The following KIF1A variants were observed in gnomAD, a reference collection of about 807,000 sequenced individuals.
The protein encoded by KIF1A is kinesin family member 1A, also known as kinesin-like protein KIF1A.
In KIF1A, 46 loss-of-function variants were observed where a neutral mutation model predicts 227.3. The ratio of observed to expected loss-of-function variants is 0.20; its 90% CI spans 0.16 to 0.26. The LOEUF is 0.26. Ranked by LOEUF, KIF1A falls within the 10% of genes least tolerant of loss-of-function variation. KIF1A has a pLI of 1.00. For synonymous variants in KIF1A, 1,022 were observed against 1,012.8 expected, an observed-to-expected ratio of 1.01 and a Z score of -0.17; for missense variants, 1,683 against 2,485.9, an observed-to-expected ratio of 0.68 and a Z score of 6.87.
Position 240,779,050 on chromosome 2 carries a change from ACT to A in KIF1A, c.883-3126_883-3125del, listed in dbSNP as rs776833852. ...CACTCAGTTCCACACTCAGTCCCTC[ACT>A]CAGTTCCACACTCAGTTCCTCACAG... On this transcript the variant is annotated intron_variant, in intron 10 of 48. Transcript: ENST00000498729. Among the ~76,000 whole-genome samples the A allele has an allele frequency of 3.0e-4, 45 of 149,714 alleles. 1 individual carries two copies. Among genetic ancestry groups the A allele is most frequent in the Non-Finnish European group, 4.6e-4 (31 of 67,558 alleles).
At position 240,773,208 on chromosome 2, in the gene KIF1A, C is replaced by A. The variant is rs1404136627; in HGVS notation, c.1086G>T (p.Glu362Asp). 1 of 1,613,964 alleles carries A rather than the reference C, an allele frequency of 6.2e-7. No homozygotes were observed. The highest frequency in any genetic ancestry group is 1.7e-5 in the Admixed American group (1 of 60,018). The change falls in exon 13 of 49, where the codon GAG becomes GAT. Residue 362 changes from glutamate to aspartate, a missense_variant. Physicochemically the swap from Glu to Asp is conservative, Grantham distance 45 (BLOSUM62 2). Around this residue, in one of 12 missense-constraint regions of KIF1A, gnomAD observed 110 missense variants for 133.1 expected, o/e 0.83. Transcript: ENST00000498729. ...KQIRCNAVINEDPNNKLIREL... is the reference protein window; with the variant it reads ...KQIRCNAVINDDPNNKLIREL... ...CGCGGATCAGCTTGTTGTTGGGGTC[C>A]TCATTGATGACAGCATTGCAGCGGA...
chr2:240,773,622 C>T, intron 12 of KIF1A, among the ~76,000 whole-genome samples: 1 of 152,178 alleles, frequency 6.6e-6, no homozygotes, highest in East Asian at 1.9e-4. Context: ...TGTGCATAGG[C>T]TTGTGCTCAC....
chr2:240,771,707 C>T (rs181268094), intron 14 of KIF1A, among the ~76,000 whole-genome samples: 1 of 152,318 alleles, frequency 6.6e-6, no homozygotes, highest in Non-Finnish European at 1.5e-5. Context: ...TGGGGCCAGG[C>T]TGTGCTAACC....
At chr2:240,717,941 T>G (rs951490788) in intron 48 of KIF1A, 109 bp downstream of exon 48, 21 of 750,034 alleles carry the variant, frequency 2.8e-5, no homozygotes, top group African/African-American at 2.8e-4. Flanking sequence ...GCAGGACCCC[T>G]GGGAGAGCAG....
chr2:240,772,981 G>T, intron 13 of KIF1A, 133 bp downstream of exon 13: 2 of 930,806 alleles, frequency 2.1e-6, no homozygotes, highest in Admixed American at 2.7e-5. Context: ...CTCTGGGAGC[G>T]GTGTGGAGCT....
At chr2:240,800,135 C>T (rs954036821) in intron 1 of KIF1A, among the ~76,000 whole-genome samples, 1 of 151,874 alleles carries the variant, frequency 6.6e-6, no homozygotes, top group African/African-American at 2.4e-5. Context: ...CACACACACA[C>T]ACACACACAC....
At position 240,735,622 on chromosome 2, in the gene KIF1A, A is replaced by T. The variant is rs146187055; in HGVS notation, c.4007+1441T>A. Reference sequence around the variant, plus strand: ...TGGCAGACCCGCCCTTCCGGGCCCCACCCCCTACTCCAATTCCTGGTCCCC... The same window carrying T: ...TGGCAGACCCGCCCTTCCGGGCCCCTCCCCCTACTCCAATTCCTGGTCCCC... On this transcript the variant is annotated intron_variant, in intron 38 of 48. Coordinates refer to ENST00000498729, the MANE Select transcript of KIF1A (RefSeq NM_001244008.2). Among the ~76,000 whole-genome samples, 132 of 151,906 alleles carry T rather than the reference A, an allele frequency of 8.7e-4. 4 individuals are homozygous for T. In the East Asian group the frequency reaches 0.025, roughly 29 times the overall value.
intron 6 of KIF1A, 55 bp downstream of exon 6, chr2:240,786,280 G>T (rs564852199): frequency 2.0e-4 from 312 of 1,550,562 alleles, no homozygotes; most frequent in Non-Finnish European, 2.6e-4. Flanking sequence ...GGCTTCCTCC[G>T]GGGAGAGGCG....
chr2:240,732,139 ATGAGGGATTGG>A (rs2046751517), intron 38 of KIF1A, among the ~76,000 whole-genome samples: 4 of 32,680 alleles, frequency 1.2e-4, no homozygotes, highest in South Asian at 1.8e-3. Flanking sequence ...GGAGGAGGGG[ATGAGGGATTGG>A]GGAGGAGGGG....
chr2:240,787,196 C>G (rs1236668274), intron 5 of KIF1A, 55 bp downstream of exon 5: 1 of 1,407,078 alleles, frequency 7.1e-7, no homozygotes, highest in Non-Finnish European at 1.0e-6. Context: ...GCACTGCCAG[C>G]CACACCAGAT....
At position 240,788,280 on chromosome 2, in the gene KIF1A, G is replaced by T; in HGVS notation, c.184-50C>A. On this transcript the variant is annotated intron_variant, in intron 3 of 48. Coordinates refer to ENST00000498729, the MANE Select transcript of KIF1A (RefSeq NM_001244008.2). The surrounding 1 kb of genome is among the most constrained non-coding windows in gnomAD (Gnocchi z 6.6). ...TTGCAGGAGGCTGGGTGCATCCGAG[G>T]CTCAGCCCATCATGTCTGCGGAGCC... 6.4e-7 allele frequency: 1 copy of T among 1,568,826 alleles called. No homozygotes were observed. Among genetic ancestry groups the T allele is most frequent in the East Asian group, 2.3e-5 (1 of 44,342 alleles).
chr2:240,724,064 A>G (rs754185152), intron 40 of KIF1A, 28 bp from the exon 41 acceptor site: 2 of 1,600,562 alleles, frequency 1.2e-6, no homozygotes, highest in Non-Finnish European at 1.7e-6. Context: ...AGTGACATGC[A>G]GTCACCAGGC....
In KIF1A at chr2:240,769,635, C is replaced by A. The variant is rs767034708; in HGVS notation, c.1413G>T (p.Arg471=). 1 of 1,613,298 alleles carries A rather than the reference C, an allele frequency of 6.2e-7. No individual in the cohort carries two copies. The highest frequency in any genetic ancestry group is 8.5e-7 in the Non-Finnish European group (1 of 1,179,658). ...GTTTCCCCGCTGCACACCTCTCCATCCGGATGGCTTCTGTCCGCCGCAGCT... is the reference window on the plus strand; with the variant it reads ...GTTTCCCCGCTGCACACCTCTCCATACGGATGGCTTCTGTCCGCCGCAGCT... The part of the protein sequence containing the change: ...EEKLRRTEAI[R]MEREALLAEM... Residue 471 remains arginine, a synonymous_variant, in exon 16 of 49, where the codon CGG becomes CGT. Transcript: ENST00000498729.
Position 240,792,456 on chromosome 2 carries a change from G to A in KIF1A, c.107-3144C>T, listed in dbSNP as rs944979473. On this transcript the variant is annotated intron_variant, in intron 2 of 48. Transcript: ENST00000498729. The surrounding 1 kb of genome is among the most constrained non-coding windows in gnomAD (Gnocchi z 4.5). ...AAGGCCGGCGAGGTGCCCAGTATCA[G>A]GCAGCCTTCCCAGGACTCTGCATGG... is the stretch of plus-strand genomic sequence containing the variant. Among the ~76,000 whole-genome samples the A allele has an allele frequency of 6.6e-6, 1 of 152,030 alleles. No individual in the cohort carries two copies. Among genetic ancestry groups the A allele is most frequent in the Non-Finnish European group, 1.5e-5 (1 of 67,980 alleles).
chr2:240,774,203 A>G lies in KIF1A; in HGVS notation c.1017T>C (p.Asp339=). The G allele has an allele frequency of 6.2e-7, 1 of 1,603,412 alleles. No homozygotes were observed. Among genetic ancestry groups the G allele is most frequent in the South Asian group, 1.1e-5 (1 of 90,354 alleles). Residue 339 remains aspartate (D), a synonymous_variant, in exon 12 of 49, where the codon GAT becomes GAC. Coordinates refer to ENST00000498729, the MANE Select transcript of KIF1A (RefSeq NM_001244008.2). ...AALSPADINY[D]ETLSTLRYAD... ...CTCACCTCAGCGTGCTAAGGGTCTC[A>G]TCGTAGTTGATGTCTGCAGGACTCA...
chr2:240,737,166 G>C lies in KIF1A; in HGVS notation c.3904C>G (p.Arg1302Gly). 1 of 1,613,156 alleles carries C rather than the reference G, an allele frequency of 6.2e-7. No homozygotes were observed. Among genetic ancestry groups the C allele is most frequent in the South Asian group, 1.1e-5 (1 of 91,054 alleles). The change falls in exon 38 of 49, where the codon CGC becomes GGC. Residue 1302 changes from arginine to glycine, a missense_variant and splice_region_variant. Physicochemically the swap from Arg to Gly is moderately radical, Grantham distance 125 (BLOSUM62 -2). Around this residue, in one of 12 missense-constraint regions of KIF1A, gnomAD observed 759 missense variants for 1,020.2 expected, o/e 0.74. Coordinates refer to ENST00000498729, the MANE Select transcript of KIF1A (RefSeq NM_001244008.2). ...WKEVRELVVGRIRNTPETDES... is the reference protein window; with the variant it reads ...WKEVRELVVGGIRNTPETDES... Reference sequence around the variant, plus strand: ...TCGGTCTCTGGAGTGTTTCGGATGCGGCCTGCAGAAAAGGCAACGGGCCAC... The same window carrying C: ...TCGGTCTCTGGAGTGTTTCGGATGCCGCCTGCAGAAAAGGCAACGGGCCAC...
chr2:240,773,361 C>G, intron 12 of KIF1A, 105 bp from the exon 13 acceptor site: 2 of 1,416,988 alleles, frequency 1.4e-6, no homozygotes, highest in African/African-American at 1.4e-5. Flanking sequence ...TTGGGCTCAG[C>G]AGCCAGGCCA....
At chr2:240,747,911 G>T (rs909845509) in intron 28 of KIF1A, among the ~76,000 whole-genome samples, 2 of 152,238 alleles carry the variant, frequency 1.3e-5, no homozygotes, top group African/African-American at 2.4e-5. Flanking sequence ...TGCTCATGCA[G>T]GAGTCAGTGC....
chr2:240,772,602 G>T lies in KIF1A; in HGVS notation c.1181-6C>A, dbSNP rs535005700. 2 of 1,545,688 alleles carry T rather than the reference G, an allele frequency of 1.3e-6. No homozygotes were observed. Among genetic ancestry groups the T allele is most frequent in the Middle Eastern group, 1.7e-4 (1 of 6,000 alleles). ...TCCTCCAGGCACAGTGTTGGCTATG[G>T]GGGAGGGAAGCGTGGGGGAGGGGGA... On this transcript the variant is annotated splice_polypyrimidine_tract_variant and splice_region_variant and intron_variant, in intron 13 of 48. Coordinates refer to ENST00000498729, the MANE Select transcript of KIF1A (RefSeq NM_001244008.2).
Sources: allele counts gnomAD v4.1 joint callset (sites outside exome capture counted in the v4.1 genomes callset), GRCh38; gene constraint gnomAD v4.1.1; regional missense constraint gnomAD v4.1.1; non-coding constraint Gnocchi (gnomAD v3.1); transcripts MANE v1.5; gene names NCBI Gene and HGNC (gene_info 2026-07-23, HGNC 2026-07-21).